The following PCDH11X variants were observed in gnomAD, a reference collection of about 807,000 sequenced individuals.
PCDH11X encodes protocadherin 11 X-linked, also known as protocadherin-11 X-linked.
A neutral mutation model predicts 53.3 loss-of-function variants in PCDH11X; 18 were observed. The observed-to-expected ratio is 0.34, with a 90% confidence interval of 0.23 to 0.50. The LOEUF is 0.50. PCDH11X is among the 20% of genes least tolerant of loss of function. The pLI, the probability that PCDH11X is intolerant of heterozygous loss-of-function variation, is 0.98. For synonymous variants in PCDH11X, 279 were observed against 393.3 expected, an observed-to-expected ratio of 0.71 and a Z score of 3.44; for missense variants, 570 against 1,032.4, an observed-to-expected ratio of 0.55 and a Z score of 6.14.
At chrX:92,233,227 T>C (rs956202983) in intron 7 of PCDH11X, among the ~76,000 whole-genome samples, 2 of 111,135 alleles carry the variant, frequency 1.8e-5, no homozygotes, top group Non-Finnish European at 3.8e-5. Context: ...ATCTCACTGA[T>C]TATGTTTTTT....
intron 6 of PCDH11X, among the ~76,000 whole-genome samples, chrX:92,141,413 A>T (rs866170423): frequency 2.1e-4 from 23 of 112,029 alleles, no homozygotes; most frequent in Middle Eastern, 4.6e-3. Flanking sequence ...AAAACATAAA[A>T]AGCAAAACAA....
intron 5 of PCDH11X, among the ~76,000 whole-genome samples, chrX:91,874,613 T>C (rs995599914): frequency 8.2e-5 from 8 of 98,150 alleles, no homozygotes; most frequent in East Asian, 6.3e-4. Context: ...TCCACAAAGA[T>C]ATATTATGGC....
At chrX:92,319,796 G>A (rs1484931965) in intron 8 of PCDH11X, among the ~76,000 whole-genome samples, 27 of 111,854 alleles carry the variant, frequency 2.4e-4, no homozygotes, top group Admixed American at 2.3e-3. Flanking sequence ...GATAGACAGA[G>A]CTGCTATTAT....
At chrX:91,807,846 A>G (rs1936171203) in intron 1 of PCDH11X, among the ~76,000 whole-genome samples, 1 of 109,618 alleles carries the variant, frequency 9.1e-6, no homozygotes, top group African/African-American at 3.3e-5. Context: ...ATTCATTATT[A>G]CTTTCAAAGA....
intron 8 of PCDH11X, among the ~76,000 whole-genome samples, chrX:92,367,291 T>A (rs2070497243): frequency 9.0e-6 from 1 of 111,704 alleles, no homozygotes; most frequent in African/African-American, 3.3e-5. Context: ...TTAAAGTCTG[T>A]TTTATCAGAG....
At chrX:92,152,587 A>C (rs1005001616) in intron 6 of PCDH11X, among the ~76,000 whole-genome samples, 15 of 111,761 alleles carry the variant, frequency 1.3e-4, no homozygotes, top group African/African-American at 3.9e-4. Context: ...AAATAAATGA[A>C]TATTTTTGTG....
chrX:92,223,788 A>AGTGT (rs1431698787), intron 7 of PCDH11X, among the ~76,000 whole-genome samples: 19 of 111,697 alleles, frequency 1.7e-4, no homozygotes, highest in Non-Finnish European at 2.6e-4. Context: ...TATATAAAGC[A>AGTGT]CTTAGTACAG....
intron 9 of PCDH11X, among the ~76,000 whole-genome samples, chrX:92,406,666 G>A (rs1318049414): frequency 2.0e-5 from 2 of 97,994 alleles, no homozygotes; most frequent in African/African-American, 7.6e-5. Flanking sequence ...GCTCACGCCT[G>A]TAATCCCAGC....
intron 7 of PCDH11X, among the ~76,000 whole-genome samples, chrX:92,210,045 C>G (rs1025149299): frequency 9.0e-6 from 1 of 110,626 alleles, no homozygotes; most frequent in Non-Finnish European, 1.9e-5. Flanking sequence ...CAGCAGGGTC[C>G]TGGGCATGGC....
intron 7 of PCDH11X, among the ~76,000 whole-genome samples, chrX:92,248,419 T>C (rs1373623351): frequency 9.0e-6 from 1 of 111,287 alleles, no homozygotes; most frequent in African/African-American, 3.3e-5. Flanking sequence ...ACTAATGAAA[T>C]AGTAATGTTA....
chrX:91,821,239 A>G lies in PCDH11X; in HGVS notation c.-45+9944A>G, dbSNP rs933773878. 7.2e-5 allele frequency among the ~76,000 whole-genome samples: 8 copies of G among 110,399 alleles called. No individual in the cohort carries two copies. In the East Asian group the frequency reaches 8.6e-4, roughly 12 times the overall value. On this transcript the variant is annotated intron_variant, in intron 4 of 10. Transcript: ENST00000682573. ...GCATTGGTAGCTTGATGGGGATGGCATTGAATCTGTAAGTTACCTTGGGCA... is the reference window on the plus strand; with the variant it reads ...GCATTGGTAGCTTGATGGGGATGGCGTTGAATCTGTAAGTTACCTTGGGCA...
At chrX:92,444,681 A>C (rs1480072759) in intron 9 of PCDH11X, among the ~76,000 whole-genome samples, 1 of 99,909 alleles carries the variant, frequency 1.0e-5, no homozygotes, top group Admixed American at 1.1e-4. Flanking sequence ...TGTTTGTCAT[A>C]GATGGCTCTT....
At chrX:92,548,383 C>T (rs1362979782) in intron 10 of PCDH11X, among the ~76,000 whole-genome samples, 1 of 111,086 alleles carries the variant, frequency 9.0e-6, no homozygotes, top group Admixed American at 9.7e-5. Context: ...GTTGCTCAGG[C>T]TGATCTCAGA....
At chrX:92,048,430 G>T (rs966618000) in intron 6 of PCDH11X, among the ~76,000 whole-genome samples, 21 of 110,904 alleles carry the variant, frequency 1.9e-4, no homozygotes, top group African/African-American at 6.2e-4. Context: ...AAGCTATCTA[G>T]TTTCAATGAG....
intron 7 of PCDH11X, among the ~76,000 whole-genome samples, chrX:92,245,951 C>G (rs1470815021): frequency 9.0e-6 from 1 of 111,572 alleles, no homozygotes; most frequent in Admixed American, 9.5e-5. Flanking sequence ...ATGTTACTTG[C>G]ATATTTAAAA....
intron 10 of PCDH11X, among the ~76,000 whole-genome samples, chrX:92,585,430 G>A (rs1602390380): frequency 2.9e-5 from 3 of 103,726 alleles, no homozygotes; most frequent in Middle Eastern, 0.01. Flanking sequence ...GGAGTGCAGC[G>A]GTGCTATCTC....
chrX:92,470,646 T>C (rs2148663731), intron 10 of PCDH11X, among the ~76,000 whole-genome samples: 1 of 111,754 alleles, frequency 8.9e-6, no homozygotes, highest in East Asian at 2.8e-4. Context: ...TCTTAGAGAA[T>C]TTTTTTAAAT....
chrX:92,110,440 C>G (rs760613740), intron 6 of PCDH11X, among the ~76,000 whole-genome samples: 1 of 107,526 alleles, frequency 9.3e-6, no homozygotes, highest in South Asian at 4.3e-4. Flanking sequence ...AGGATGCACC[C>G]GGGAGACAGG....
intron 8 of PCDH11X, among the ~76,000 whole-genome samples, chrX:92,331,294 C>T (rs1415744890): frequency 9.2e-5 from 8 of 87,087 alleles, no homozygotes; most frequent in Non-Finnish European, 1.5e-4. Flanking sequence ...TCTTCTTCTT[C>T]TTCTTCTTCT....
Sources: gnomAD v4.1 joint callset for allele counts (sites outside exome capture counted in the v4.1 genomes callset) on GRCh38, gnomAD v4.1.1 for gene constraint, MANE v1.5 for transcripts, NCBI Gene and HGNC (gene_info 2026-07-23, HGNC 2026-07-21) for gene names.